The following MAP4 variants were observed in gnomAD, a reference collection of about 807,000 sequenced individuals.
MAP4 encodes microtubule-associated protein 4.
A neutral mutation model predicts 170.2 loss-of-function variants in MAP4; 76 were observed. That is an observed-to-expected ratio of 0.45 (90% CI 0.37 to 0.54). The LOEUF (loss-of-function observed/expected upper bound fraction) is 0.54. Ranked by LOEUF, MAP4 falls within the 20% of genes least tolerant of loss-of-function variation. MAP4 has a pLI of 0.00. For missense variants in MAP4, 2,506 were observed against 2,748.0 expected, an observed-to-expected ratio of 0.91 and a Z score of 1.97; for synonymous variants, 909 against 994.5, an observed-to-expected ratio of 0.91 and a Z score of 1.62.
In MAP4 at chr3:47,911,816, T is replaced by C. The variant is rs1248496479; in HGVS notation, c.2605A>G (p.Ile869Val). The part of the protein sequence containing the change: ...YPSEEAPKTA[I>V]SSQSKLRVEE... ...ACTCTCAGCTTAGACTGAGAACTTA[T>C]TGCAGTTTTGGGGGCTTCTTCAGAA... The change falls in exon 9 of 21, where the codon ATA (isoleucine) becomes GTA (valine). Residue 869 changes from isoleucine (I) to valine (V), a missense_variant. Ile to Val is a conservative substitution (Grantham distance 29, BLOSUM62 3). Coordinates refer to ENST00000683076, the MANE Select transcript of MAP4 (RefSeq NM_001385682.1). The surrounding 1 kb of genome is among the most constrained non-coding windows in gnomAD (Gnocchi z 4.0). The C allele has an allele frequency of 6.5e-6, 10 of 1,536,160 alleles. No individual in the cohort carries two copies. The highest frequency in any genetic ancestry group is 5.9e-5 in the South Asian group (5 of 84,064).
chr3:47,983,792 TACAGGCGTGAGCCACC>T (rs1346950607), intron 2 of MAP4, among the ~76,000 whole-genome samples: 1 of 152,218 alleles, frequency 6.6e-6, no homozygotes, highest in African/African-American at 2.4e-5. Flanking sequence ...TAGCTGGGAC[TACAGGCGTGAGCCACC>T]ATGATCAGCC....
intron 2 of MAP4, among the ~76,000 whole-genome samples, chr3:47,981,665 T>C (rs1030672461): frequency 1.3e-5 from 2 of 151,304 alleles, no homozygotes; most frequent in African/African-American, 4.9e-5. Flanking sequence ...CTCTAGAGGC[T>C]GAAGCACAAG....
In MAP4 at chr3:47,851,245, G is replaced by A. The variant is rs2041634838; in HGVS notation, c.*1689C>T. The A allele has an allele frequency of 6.6e-6, 1 of 152,276 alleles. No individual in the cohort carries two copies. The highest frequency in any genetic ancestry group is 6.5e-5 in the Admixed American group (1 of 15,282). 9.4% of individuals were successfully genotyped at this position (152,276 alleles called of 1,614,324 possible). On this transcript the variant is annotated 3_prime_UTR_variant, in exon 21 of 21. Coordinates refer to ENST00000683076, the MANE Select transcript of MAP4 (RefSeq NM_001385682.1). ...CTGGCCCAGGCAGCACTTCCTCCGT[G>A]AGCCCCTGCAGTTTCCTGGTGTGTG...
chr3:48,079,549 G>C (rs891256000), intron 1 of MAP4, among the ~76,000 whole-genome samples: 3 of 151,278 alleles, frequency 2.0e-5, no homozygotes, highest in Non-Finnish European at 4.4e-5. Context: ...CAACTACTTG[G>C]GAGGCTGAGG....
At position 47,911,686 on chromosome 3, in the gene MAP4, G is replaced by C; in HGVS notation, c.2735C>G (p.Pro912Arg). 1 of 1,536,072 alleles carries C rather than the reference G, an allele frequency of 6.5e-7. No individual in the cohort carries two copies. The highest frequency in any genetic ancestry group is 8.7e-7 in the Non-Finnish European group (1 of 1,146,886). Reference protein sequence around the residue: ...KPQPAPHLKTPVDKSQSVGPL... With the variant: ...KPQPAPHLKTRVDKSQSVGPL... ...GCCTACTGACTGGCTTTTATCTACA[G>C]GAGTCTTCAGGTGGGGTGCAGGCTG... Residue 912 changes from proline (P) to arginine (R), a missense_variant, in exon 9 of 21, where the codon CCT becomes CGT. Around this residue, in one of 3 missense-constraint regions of MAP4, gnomAD observed 2,008 missense variants for 2,206.0 expected, o/e 0.91. Transcript: ENST00000683076. This position sits in a 1 kb window ranked among gnomAD's most constrained non-coding sequence, Gnocchi z 4.0.
intron 1 of MAP4, among the ~76,000 whole-genome samples, chr3:48,008,326 G>A (rs897285280): frequency 1.3e-5 from 2 of 152,222 alleles, no homozygotes; most frequent in Non-Finnish European, 2.9e-5. Context: ...CTGCTTCACA[G>A]ACGGTTCTGC....
At chr3:48,048,369 A>G (rs2100125667) in intron 1 of MAP4, among the ~76,000 whole-genome samples, 1 of 152,050 alleles carries the variant, frequency 6.6e-6, no homozygotes, top group Admixed American at 6.6e-5. Context: ...ACACCTAGTA[A>G]AAGTAGCATC....
At chr3:47,922,531 T>C (rs1013670435) in intron 4 of MAP4, among the ~76,000 whole-genome samples, 8 of 151,048 alleles carry the variant, frequency 5.3e-5, no homozygotes, top group African/African-American at 2.0e-4. Context: ...TCATTTTAAG[T>C]TACTTTTTAA....
intron 1 of MAP4, among the ~76,000 whole-genome samples, chr3:48,086,749 C>A (rs1412375057): frequency 6.6e-6 from 1 of 152,228 alleles, no homozygotes; most frequent in Non-Finnish European, 1.5e-5. Context: ...CAGCCCAGAA[C>A]AATGGAGGTG....
At chr3:47,922,228 C>T (rs892089039) in intron 4 of MAP4, among the ~76,000 whole-genome samples, 7 of 151,862 alleles carry the variant, frequency 4.6e-5, no homozygotes, top group African/African-American at 1.5e-4. Flanking sequence ...GGATTACAGG[C>T]GTGAGCCACC....
intron 16 of MAP4, among the ~76,000 whole-genome samples, chr3:47,867,836 T>C (rs2083220385): frequency 6.6e-6 from 1 of 152,310 alleles, no homozygotes; most frequent in South Asian, 2.1e-4. Flanking sequence ...CAAAGGCTGC[T>C]CTGAGAAGCA....
Position 48,073,565 on chromosome 3 carries a change from C to T in MAP4, c.-20+15208G>A, listed in dbSNP as rs116753679. On this transcript the variant is annotated intron_variant, in intron 1 of 18. Coordinates refer to the MAP4 transcript ENST00000360240. ...GGCGGAGGTTGCGGAGAGCCGAGAT[C>T]GCTCCATTGCACTCCAGTTTGGGTG... Among the ~76,000 whole-genome samples the T allele has an allele frequency of 4.0e-3, 606 of 150,974 alleles. 6 individuals are homozygous for T. Among genetic ancestry groups the T allele is most frequent in the African/African-American group, 0.014 (587 of 41,052 alleles).
At chr3:47,936,499 C>A (rs1355073351) in intron 3 of MAP4, among the ~76,000 whole-genome samples, 1 of 151,296 alleles carries the variant, frequency 6.6e-6, no homozygotes, top group Admixed American at 6.6e-5. Flanking sequence ...TATTCTAAAA[C>A]CCTTATATGT....
chr3:48,087,741 A>ACG (rs5848844), intron 1 of MAP4, among the ~76,000 whole-genome samples: 1,621 of 125,234 alleles, frequency 0.013, 33 homozygotes, highest in East Asian at 0.081. Flanking sequence ...ACACACACGC[A>ACG]CGCGCACACA....
chr3:47,982,692 T>C (rs2100086077), intron 2 of MAP4, among the ~76,000 whole-genome samples: 1 of 152,138 alleles, frequency 6.6e-6, no homozygotes, highest in African/African-American at 2.4e-5. Flanking sequence ...GAAAGCTTGA[T>C]ATATACTGAC....
rs1233265657 is a variant in MAP4 at position 48,072,540 on chromosome 3, T to A, written c.-20+16233A>T. Among the ~76,000 whole-genome samples, 10 of 152,254 alleles carry A rather than the reference T, an allele frequency of 6.6e-5. No homozygotes were observed. The East Asian group carries it at 1.9e-3, about 29-fold the overall frequency. On this transcript the variant is annotated intron_variant, in intron 1 of 18. Transcript: ENST00000360240. Reference sequence around the variant, plus strand: ...TAAATTCATGAAAAAACTATTTTTTTAATGAGGCCAGAACACATTTCCCTA... The same window carrying A: ...TAAATTCATGAAAAAACTATTTTTTAAATGAGGCCAGAACACATTTCCCTA...
intron 1 of MAP4, among the ~76,000 whole-genome samples, chr3:48,051,614 A>T (rs2100127925): frequency 6.6e-6 from 1 of 152,198 alleles, no homozygotes; most frequent in Admixed American, 6.5e-5. Context: ...CAGCTATGTG[A>T]AGTCTACCAA....
chr3:48,041,243 CAG>C (rs2100121486), intron 1 of MAP4, among the ~76,000 whole-genome samples: 1 of 152,070 alleles, frequency 6.6e-6, no homozygotes, highest in South Asian at 2.1e-4. Flanking sequence ...TCCTGAGTAA[CAG>C]AGATTACAGG....
At chr3:47,937,578 G>A (rs1283833106) in intron 3 of MAP4, among the ~76,000 whole-genome samples, 3 of 151,488 alleles carry the variant, frequency 2.0e-5, no homozygotes, top group Non-Finnish European at 4.4e-5. Flanking sequence ...AGATGTTTCT[G>A]ATGTTCTCAG....
Sources: allele counts gnomAD v4.1 joint callset (sites outside exome capture counted in the v4.1 genomes callset), GRCh38; gene constraint gnomAD v4.1.1; regional missense constraint gnomAD v4.1.1; non-coding constraint Gnocchi (gnomAD v3.1); transcripts MANE v1.5; gene names NCBI Gene and HGNC (gene_info 2026-07-23, HGNC 2026-07-21).